Variants in GARS1 observed in about 807,000 individuals in gnomAD.
GARS1 encodes glycyl-tRNA synthetase 1.
Under a neutral mutation model 86.4 loss-of-function variants are expected in GARS1, and 46 were observed. The ratio of observed to expected loss-of-function variants is 0.53; its 90% CI spans 0.42 to 0.68. The LOEUF (loss-of-function observed/expected upper bound fraction) is 0.68. GARS1 is among the 30% of genes least tolerant of loss of function. The pLI is 0.00. For synonymous variants in GARS1, 342 were observed against 329.8 expected, an observed-to-expected ratio of 1.04 and a Z score of -0.40; for missense variants, 797 against 915.6, an observed-to-expected ratio of 0.87 and a Z score of 1.67.
Position 30,632,828 on chromosome 7 carries a change from C to T in GARS1, c.2094+391C>T, listed in dbSNP as rs1383409369. 6.6e-6 allele frequency among the ~76,000 whole-genome samples: 1 copy of T among 152,108 alleles called. No homozygotes were observed. The highest frequency in any genetic ancestry group is 1.5e-5 in the Non-Finnish European group (1 of 68,022). On this transcript the variant is annotated intron_variant, in intron 16 of 16. Coordinates refer to ENST00000389266, the MANE Select transcript of GARS1 (RefSeq NM_002047.4). The surrounding 1 kb of genome is among the most constrained non-coding windows in gnomAD (Gnocchi z 4.1). Reference sequence around the variant, plus strand: ...ATACATGTGTATGTATAAGCTTTTCCGTGTTCATATATTCAAAACAGTGAA... The same window carrying T: ...ATACATGTGTATGTATAAGCTTTTCTGTGTTCATATATTCAAAACAGTGAA...
chr7:30,616,745 C>T (rs893022777), intron 9 of GARS1, among the ~76,000 whole-genome samples: 17 of 152,288 alleles, frequency 1.1e-4, no homozygotes, highest in African/African-American at 3.4e-4. Context: ...ATCCCCTCAA[C>T]GTGTCATTAC....
intron 6 of GARS1, among the ~76,000 whole-genome samples, chr7:30,604,519 A>AC (rs536045449): frequency 6.7e-6 from 1 of 149,850 alleles, no homozygotes; most frequent in African/African-American, 2.5e-5. Context: ...TGTTGTCCTA[A>AC]TTTTTTTTTT....
In GARS1 at chr7:30,626,183, G is replaced by A. The variant is rs185028688; in HGVS notation, c.1614-51G>A. On this transcript the variant is annotated intron_variant, in intron 12 of 16. Coordinates refer to ENST00000389266, the MANE Select transcript of GARS1 (RefSeq NM_002047.4). ...ATCTACAAAATTCCTTTAAATTAAG[G>A]CACAGGGTGCCTGTTTGAACTAATA... is the stretch of plus-strand genomic sequence containing the variant. 5.1e-5 allele frequency: 57 copies of A among 1,126,894 alleles called. No individual in the cohort carries two copies. The African/African-American group carries it at 8.4e-4, about 17-fold the overall frequency. 69.8% of individuals were successfully genotyped at this position (1,126,894 alleles called of 1,614,324 possible). A position where few individuals can be genotyped will look rare whatever the true frequency, so the allele number is the denominator to read the frequency against.
At chr7:30,616,981 A>G (rs1359015510) in intron 9 of GARS1, 133 bp from the exon 10 acceptor site, 1 of 848,578 alleles carries the variant, frequency 1.2e-6, no homozygotes, top group Non-Finnish European at 2.0e-6. Context: ...TTTGAAAGCA[A>G]GATAAAATAG....
rs1471607060 is a variant in GARS1 at position 30,631,535 on chromosome 7, GAAT to G, written c.1898_1900del (p.Glu633_Leu634delinsVal). On this transcript the variant is annotated inframe_deletion, in exon 15 of 17. Transcript: ENST00000389266. The stretch of plus-strand genomic sequence containing the variant: ...CCAGGAGTTCATGCCATTTGTCAAG[GAAT>G]TATGTAAGCAAATTCAATTGGGTAA... The G allele has an allele frequency of 3.1e-6, 5 of 1,610,348 alleles. No individual in the cohort carries two copies. The highest frequency in any genetic ancestry group is 4.2e-6 in the Non-Finnish European group (5 of 1,176,958).
intron 1 of GARS1, among the ~76,000 whole-genome samples, chr7:30,596,305 A>G (rs958832893): frequency 2.6e-5 from 4 of 152,242 alleles, no homozygotes; most frequent in Admixed American, 2.0e-4. Context: ...ATTTTGAAAT[A>G]TCACCACGGG....
At chr7:30,622,715 G>A in intron 12 of GARS1, 1 of 466,100 alleles carries the variant, frequency 2.1e-6, no homozygotes, top group South Asian at 2.1e-5. Flanking sequence ...AGGAAGGAAG[G>A]GTTAGAAACT....
chr7:30,623,126 AT>A (rs1456399001), intron 12 of GARS1, among the ~76,000 whole-genome samples: 3 of 151,338 alleles, frequency 2.0e-5, no homozygotes, highest in Non-Finnish European at 4.4e-5. Flanking sequence ...AAAAAAAAAA[AT>A]AGAGAAAAGC....
chr7:30,622,576 T>C, intron 12 of GARS1, 114 bp downstream of exon 12: 1 of 1,235,310 alleles, frequency 8.1e-7, no homozygotes, highest in South Asian at 1.2e-5. Context: ...TACTGTATCT[T>C]GGCTGCATTT....
rs70983380 is a variant in GARS1 at position 30,633,896 on chromosome 7, T to TA, written c.*51dup. ...GACAACTTTTGACCACTTGCGCTAA[T>TA]AAAAAAAAAAAAAAACTACTCTTAT... On this transcript the variant is annotated 3_prime_UTR_variant, in exon 17 of 17. Transcript: ENST00000389266. The TA allele has an allele frequency of 0.02, 25,896 of 1,297,370 alleles. 10 individuals are homozygous for TA. Among genetic ancestry groups the TA allele is most frequent in the African/African-American group, 0.041 (2,643 of 63,954 alleles). 80.4% of individuals were successfully genotyped at this position (1,297,370 alleles called of 1,614,324 possible).
In GARS1 at chr7:30,615,927, G is replaced by A; in HGVS notation, c.1063G>A (p.Val355Ile). 1.9e-6 allele frequency: 3 copies of A among 1,614,190 alleles called. No homozygotes were observed. Among genetic ancestry groups the A allele is most frequent in the Non-Finnish European group, 2.5e-6 (3 of 1,180,044 alleles). The change falls in exon 9 of 17, where the codon GTA becomes ATA. Residue 355 changes from valine (V) to isoleucine (I), a missense_variant. By Grantham distance (29) the Val-to-Ile change is conservative (BLOSUM62 3). Transcript: ENST00000389266. ...EFTMAEIEHF[V>I]DPSEKDHPKF... ...CACAATGGCAGAAATTGAGCACTTT[G>A]TAGATCCCAGTGAGAAAGACCACCC...
chr7:30,594,986 C>T lies in GARS1; in HGVS notation c.65C>T (p.Pro22Leu), dbSNP rs1422197708. 2 of 1,594,208 alleles carry T rather than the reference C, an allele frequency of 1.3e-6. No individual in the cohort carries two copies. Among genetic ancestry groups the T allele is most frequent in the Admixed American group, 1.7e-5 (1 of 59,570 alleles). The change falls in exon 1 of 17, where the codon CCC (proline) becomes CTC (leucine). Residue 22 changes from proline (P) to leucine (L), a missense_variant. Pro to Leu is a moderately conservative substitution (Grantham distance 98). Coordinates refer to ENST00000389266, the MANE Select transcript of GARS1 (RefSeq NM_002047.4). ...GCCGCTCTGCTGCTGCTGCTGCCGCCCCGGCTCTTAGCCCGACCCTCGCTC... is the reference window on the plus strand; with the variant it reads ...GCCGCTCTGCTGCTGCTGCTGCCGCTCCGGCTCTTAGCCCGACCCTCGCTC... Reference protein sequence around the residue: ...ARAALLLLLPPRLLARPSLLL... With the variant: ...ARAALLLLLPLRLLARPSLLL...
chr7:30,601,112 A>G lies in GARS1; in HGVS notation c.481A>G (p.Ile161Val), dbSNP rs1202467613. 19 of 1,613,978 alleles carry G rather than the reference A, an allele frequency of 1.2e-5. No homozygotes were observed. Among genetic ancestry groups the G allele is most frequent in the Non-Finnish European group, 1.6e-5 (19 of 1,179,850 alleles). ...GPVGCALKNNIIQTWRQHFIQ... is the reference protein window; with the variant it reads ...GPVGCALKNNVIQTWRQHFIQ... ...AGTTGGCTGTGCTTTGAAGAACAAT[A>G]TTATTCAGACCTGGAGGCAGCACTT... The change falls in exon 4 of 17, where the codon ATT (isoleucine) becomes GTT (valine). Residue 161 changes from isoleucine to valine, a missense_variant. This residue lies in a region of GARS1 where 598 missense variants were observed against 738.7 expected (regional missense o/e 0.81). Coordinates refer to ENST00000389266, the MANE Select transcript of GARS1 (RefSeq NM_002047.4).
chr7:30,620,139 A>T (rs1345197053), intron 10 of GARS1, among the ~76,000 whole-genome samples: 1 of 152,076 alleles, frequency 6.6e-6, no homozygotes, highest in Admixed American at 6.6e-5. Flanking sequence ...AAAAAAAAAA[A>T]ATGAATCTTC....
chr7:30,607,693 T>C (rs1172086110), intron 6 of GARS1, among the ~76,000 whole-genome samples: 3 of 152,236 alleles, frequency 2.0e-5, no homozygotes, highest in Non-Finnish European at 2.9e-5. Flanking sequence ...ACTTAAAGTA[T>C]AATAAAAAAG....
chr7:30,622,210 T>G (rs1367961277), intron 11 of GARS1, 107 bp from the exon 12 acceptor site: 5 of 1,332,200 alleles, frequency 3.8e-6, no homozygotes, highest in Non-Finnish European at 5.3e-6. Context: ...TCTGGAGTAC[T>G]GATAGAGAGC....
chr7:30,626,560 A>G (rs537303510), intron 13 of GARS1, among the ~76,000 whole-genome samples: 1 of 152,328 alleles, frequency 6.6e-6, no homozygotes, highest in South Asian at 2.1e-4. Flanking sequence ...CATGTTGCCC[A>G]GGCTGATCTT....
Position 30,630,199 on chromosome 7 carries a change from T to A in GARS1, c.1810-1249T>A, listed in dbSNP as rs1350037732. 3.3e-5 allele frequency among the ~76,000 whole-genome samples: 5 copies of A among 152,214 alleles called. No individual in the cohort carries two copies. The East Asian group carries it at 9.6e-4, about 29-fold the overall frequency. On this transcript the variant is annotated intron_variant, in intron 14 of 16. Coordinates refer to ENST00000389266, the MANE Select transcript of GARS1 (RefSeq NM_002047.4). ...ATAAAGGCAGGTCCCTGTTACTCTC[T>A]TATATTAAATAGAAATATCACAAGA... is the stretch of plus-strand genomic sequence containing the variant.
intron 12 of GARS1, among the ~76,000 whole-genome samples, chr7:30,625,450 T>C (rs1285112489): frequency 6.6e-6 from 1 of 152,194 alleles, no homozygotes; most frequent in African/African-American, 2.4e-5. Context: ...AATACAGTTA[T>C]AACATATGCC....
Sources: gnomAD v4.1 joint callset for allele counts (sites outside exome capture counted in the v4.1 genomes callset) on GRCh38, gnomAD v4.1.1 for gene constraint, gnomAD v4.1.1 regional missense constraint, Gnocchi (gnomAD v3.1) non-coding constraint, MANE v1.5 for transcripts, NCBI Gene and HGNC (gene_info 2026-07-23, HGNC 2026-07-21) for gene names.